FREM1: variants seen among roughly 807,000 people sequenced by gnomAD.
FREM1 encodes FRAS1-related extracellular matrix protein 1.
FREM1 carries 220 observed loss-of-function variants against 210.1 expected under a neutral mutation model. That is an observed-to-expected ratio of 1.05 (90% confidence interval 0.94 to 1.17). The LOEUF (loss-of-function observed/expected upper bound fraction) is 1.17, where lower values mean the gene tolerates loss of function less well. Among genes scored for constraint, FREM1 ranks in the 50% most tolerant of loss-of-function variants. The probability of loss-of-function intolerance (pLI) is 0.00; values close to 1 mark genes in which losing one functional copy is unlikely to be tolerated. For synonymous variants in FREM1, 1,189 were observed against 980.2 expected (o/e 1.21, Z -3.98); for missense variants, 3,454 against 2,675.5 (o/e 1.29, Z -6.42).
chr9:14,792,272 G>GCGCGCACACA, intron 22 of FREM1, among the ~76,000 whole-genome samples: 1 of 142,334 alleles, frequency 7.0e-6, no homozygotes, highest in African/African-American at 2.7e-5. Context: ...ACACACACAC[G>GCGCGCACACA]CACACACACA....
At chr9:14,887,271 G>A (rs1319222781) in intron 1 of FREM1, among the ~76,000 whole-genome samples, 1 of 152,140 alleles carries the variant, frequency 6.6e-6, no homozygotes, top group African/African-American at 2.4e-5. Context: ...ACAACTCCCT[G>A]AGGTTATATA....
chr9:14,751,584 CAGA>C (rs1843399999), intron 29 of FREM1: 1 of 152,320 alleles, frequency 6.6e-6, no homozygotes, highest in Admixed American at 6.5e-5. Flanking sequence ...CGCTTGAGCC[CAGA>C]AGGTCAAGGC....
chr9:14,886,341 G>A (rs1166369754), intron 1 of FREM1, among the ~76,000 whole-genome samples: 8 of 126,306 alleles, frequency 6.3e-5, no homozygotes, highest in Non-Finnish European at 1.3e-4. Context: ...AGCCGAGATC[G>A]TGCCACTGCA....
At chr9:14,753,468 T>C (rs1843732837) in intron 29 of FREM1, among the ~76,000 whole-genome samples, 1 of 152,206 alleles carries the variant, frequency 6.6e-6, no homozygotes, top group Non-Finnish European at 1.5e-5. Context: ...CTAGTCACAA[T>C]AGCTGAATGC....
In FREM1 at chr9:14,824,065, A is replaced by C. The variant is rs764388691; in HGVS notation, c.2129T>G (p.Val710Gly). Reference sequence around the variant, plus strand: ...CAGCTCCAGGGCCGTAGGATTCTTAACTACTTTTGGTATGCTGTCCACCAT... The same window carrying C: ...CAGCTCCAGGGCCGTAGGATTCTTACCTACTTTTGGTATGCTGTCCACCAT... ...LFMVDSIPKV[V>G]KNPTALELRS... Residue 710 changes from valine (V) to glycine (G), a missense_variant, in exon 12 of 37, where the codon GTT becomes GGT. By Grantham distance (109) the Val-to-Gly change is moderately radical (BLOSUM62 -3). Coordinates refer to ENST00000380880, the MANE Select transcript of FREM1 (RefSeq NM_001379081.2). 5.0e-6 allele frequency: 8 copies of C among 1,593,516 alleles called. No homozygotes were observed. The highest frequency in any genetic ancestry group is 6.8e-6 in the Non-Finnish European group (8 of 1,168,838).
intron 12 of FREM1, 62 bp downstream of exon 12, chr9:14,823,963 T>A: frequency 1.0e-6 from 1 of 963,190 alleles, no homozygotes; most frequent in Non-Finnish European, 1.6e-6. Context: ...ATACTAGGCA[T>A]GCCATACCTT....
Position 14,784,650 on chromosome 9 carries a change from G to T in FREM1, c.4178-16C>A. Reference sequence around the variant, plus strand: ...ACAATATCACCTACATGACATAAGAGGTTATGGTCAATAATCATATCAAAA... The same window carrying T: ...ACAATATCACCTACATGACATAAGATGTTATGGTCAATAATCATATCAAAA... On this transcript the variant is annotated splice_polypyrimidine_tract_variant and intron_variant, in intron 23 of 36. Transcript: ENST00000380880. 3 of 1,513,000 alleles carry T rather than the reference G, an allele frequency of 2.0e-6. No individual in the cohort carries two copies. Among genetic ancestry groups the T allele is most frequent in the Non-Finnish European group, 1.8e-6 (2 of 1,124,552 alleles). 93.7% of individuals were successfully genotyped at this position (1,513,000 alleles called of 1,614,324 possible).
At chr9:14,853,035 T>G (rs1212272471) in intron 5 of FREM1, among the ~76,000 whole-genome samples, 1 of 152,184 alleles carries the variant, frequency 6.6e-6, no homozygotes, top group East Asian at 1.9e-4. Context: ...GAGGAGTGCT[T>G]TGCTGCGTTG....
intron 15 of FREM1, among the ~76,000 whole-genome samples, chr9:14,815,618 A>T (rs2133635518): frequency 6.6e-6 from 1 of 152,258 alleles, no homozygotes; most frequent in South Asian, 2.1e-4. Flanking sequence ...AAAGAAATTC[A>T]GGGGGTTCCT....
At chr9:14,784,956 T>C (rs144086592) in intron 23 of FREM1, among the ~76,000 whole-genome samples, 265 of 152,358 alleles carry the variant, frequency 1.7e-3, no homozygotes, top group African/African-American at 5.8e-3. Flanking sequence ...GTACAAAGTG[T>C]TGAAGACATA....
intron 4 of FREM1, among the ~76,000 whole-genome samples, chr9:14,858,579 T>C (rs1490160245): frequency 2.6e-5 from 4 of 152,060 alleles, no homozygotes; most frequent in Non-Finnish European, 5.9e-5. Flanking sequence ...ACTGTCATTC[T>C]GTCCAAAATT....
chr9:14,808,127 C>A lies in FREM1; in HGVS notation c.2901G>T (p.Glu967Asp), dbSNP rs918438708. The stretch of plus-strand genomic sequence containing the variant: ...TGTCAAAACAAGGCATCAGGCCAAT[C>A]TCGCCACCTGGAAGACACAACTATA... The part of the protein sequence containing the change: ...EAVTYKHTGG[E>D]IGLMPCFDTI... The change falls in exon 17 of 37, where the codon GAG becomes GAT. Residue 967 changes from glutamate (E) to aspartate (D), a missense_variant. Glu to Asp is a conservative substitution (Grantham distance 45, BLOSUM62 2). Transcript: ENST00000380880. 11 of 1,591,976 alleles carry A rather than the reference C, an allele frequency of 6.9e-6. No individual in the cohort carries two copies. The Admixed American group carries it at 8.7e-5, about 13-fold the overall frequency.
Position 14,845,143 on chromosome 9 carries a change from C to T in FREM1, c.1393+817G>A, listed in dbSNP as rs550648463. Reference sequence around the variant, plus strand: ...CCTCTGAGTTCATTATAAGGAATGACTTATTTTATCATAAAGTGTAAATAT... The same window carrying T: ...CCTCTGAGTTCATTATAAGGAATGATTTATTTTATCATAAAGTGTAAATAT... On this transcript the variant is annotated intron_variant, in intron 8 of 36. Transcript: ENST00000380880. 5.9e-5 allele frequency among the ~76,000 whole-genome samples: 9 copies of T among 152,202 alleles called. No individual in the cohort carries two copies. The South Asian group carries it at 1.9e-3, about 32-fold the overall frequency.
At chr9:14,866,749 A>G (rs1415119822) in intron 2 of FREM1, among the ~76,000 whole-genome samples, 4 of 152,166 alleles carry the variant, frequency 2.6e-5, no homozygotes. Flanking sequence ...AGTCTTTATA[A>G]GACACCCATA....
In FREM1 at chr9:14,842,644, G is replaced by A. The variant is rs1179761435; in HGVS notation, c.1410C>T (p.Leu470=). 1.9e-6 allele frequency: 3 copies of A among 1,613,370 alleles called. No individual in the cohort carries two copies. Among genetic ancestry groups the A allele is most frequent in the East Asian group, 2.2e-5 (1 of 44,880 alleles). The part of the protein sequence containing the change: ...WLTLRGGKGF[L]FTVADLQAGV... The stretch of plus-strand genomic sequence containing the variant: ...CAGCCTGGAGGTCAGCCACGGTGAA[G>A]AGAAACCCTTTCCCCCCTGAGGGAG... The change falls in exon 9 of 37, where the codon CTC becomes CTT. Residue 470 remains leucine (L), a synonymous_variant. Transcript: ENST00000380880.
rs1317087145 is a variant in FREM1 at position 14,848,723 on chromosome 9, T to A, written c.1203A>T (p.Thr401=). The change falls in exon 7 of 37, where the codon ACA becomes ACT. Residue 401 remains threonine, a synonymous_variant. Transcript: ENST00000380880. ...DFFFERSAPM[T]VHISIRTADT... ...CTGCTGTTCTGATGGAGATGTGGAC[T>A]GTCATAGGTGCACTCCTTTCAAAGA... 1 of 1,613,160 alleles carries A rather than the reference T, an allele frequency of 6.2e-7. No individual in the cohort carries two copies. The highest frequency in any genetic ancestry group is 8.5e-7 in the Non-Finnish European group (1 of 1,179,316).
At chr9:14,882,988 T>C (rs1277588123) in intron 1 of FREM1, among the ~76,000 whole-genome samples, 3 of 150,378 alleles carry the variant, frequency 2.0e-5, no homozygotes, top group East Asian at 1.9e-4. Flanking sequence ...TGTGGAAATA[T>C]TTTCTTAATT....
Position 14,740,172 on chromosome 9 carries a change from C to G in FREM1, c.6317G>C (p.Gly2106Ala), listed in dbSNP as rs1196755546. 1 of 1,612,690 alleles carries G rather than the reference C, an allele frequency of 6.2e-7. No individual in the cohort carries two copies. The highest frequency in any genetic ancestry group is 1.7e-5 in the Admixed American group (1 of 59,934). The change falls in exon 36 of 37, where the codon GGT becomes GCT. Residue 2106 changes from glycine (G) to alanine (A), a missense_variant. Physicochemically the swap from Gly to Ala is moderately conservative, Grantham distance 60. Transcript: ENST00000380880. ...RQHMRWLWDI[G>A]GRKSFWIGLN... Reference sequence around the variant, plus strand: ...GCCTATCCAAAAGGACTTTCTCCCACCAATGTCCCAGAGCCACCGCATGTG... The same window carrying G: ...GCCTATCCAAAAGGACTTTCTCCCAGCAATGTCCCAGAGCCACCGCATGTG...
rs142324745 is a variant in FREM1 at position 14,906,181 on chromosome 9, G to A, written c.-268+3733C>T. On this transcript the variant is annotated intron_variant, in intron 1 of 36. Coordinates refer to ENST00000380880, the MANE Select transcript of FREM1 (RefSeq NM_001379081.2). ...AACATCTAGTGAGGTAAGTATCAAT[G>A]ACCTCATTTTACCCCTGAGGAAACT... is the stretch of plus-strand genomic sequence containing the variant. 4.3e-4 allele frequency among the ~76,000 whole-genome samples: 65 copies of A among 152,232 alleles called. No individual in the cohort carries two copies. The East Asian group carries it at 0.012, about 28-fold the overall frequency.
Sources: gnomAD v4.1 joint callset for allele counts (sites outside exome capture counted in the v4.1 genomes callset) on GRCh38, gnomAD v4.1.1 for gene constraint, MANE v1.5 for transcripts, NCBI Gene and HGNC (gene_info 2026-07-23, HGNC 2026-07-21) for gene names.